The following OCA2 variants were observed in gnomAD, a reference collection of about 807,000 sequenced individuals.
The protein encoded by OCA2 is P protein.
A neutral mutation model predicts 100.2 loss-of-function variants in OCA2; 77 were observed. That is an observed-to-expected ratio of 0.77 (90% CI 0.64 to 0.93). The LOEUF (loss-of-function observed/expected upper bound fraction) is 0.93. Among genes scored for constraint, OCA2 ranks in the 40% least tolerant of loss-of-function variants. The pLI is 0.00. For missense variants in OCA2, 1,062 were observed against 1,089.1 expected (o/e 0.98, Z 0.35); for synonymous variants, 432 against 439.2 (o/e 0.98, Z 0.21).
In OCA2 at chr15:27,755,348, T is replaced by C. The variant is rs780660298; in HGVS notation, c.*40A>G. 1 of 1,469,930 alleles carries C rather than the reference T, an allele frequency of 6.8e-7. No individual in the cohort carries two copies. Among genetic ancestry groups the C allele is most frequent in the Non-Finnish European group, 9.5e-7 (1 of 1,048,774 alleles). 91.1% of individuals were successfully genotyped at this position (1,469,930 alleles called of 1,614,324 possible). A position where few individuals can be genotyped will look rare whatever the true frequency, so the allele number is the denominator to read the frequency against. ...TTTATGACTAATGGGTTGTGATGGA[T>C]GAAGTTTCCTTTAGTCTTCGAGCAA... On this transcript the variant is annotated 3_prime_UTR_variant, in exon 24 of 24. Coordinates refer to ENST00000354638, the MANE Select transcript of OCA2 (RefSeq NM_000275.3).
chr15:27,741,323 G>A, the OCA2 span, among the ~76,000 whole-genome samples: 2 of 152,180 alleles, frequency 1.3e-5, no homozygotes, highest in Non-Finnish European at 2.9e-5. Context: ...TTGGGGGAAG[G>A]ACTGCTGCAT....
chr15:28,053,038 C>A (rs1198364959), intron 2 of OCA2, among the ~76,000 whole-genome samples: 2 of 152,194 alleles, frequency 1.3e-5, no homozygotes, highest in African/African-American at 4.8e-5. Flanking sequence ...GTTTGAATTT[C>A]ATGTAGATCA....
At chr15:27,839,020 A>G (rs951209349) in intron 23 of OCA2, among the ~76,000 whole-genome samples, 7 of 152,208 alleles carry the variant, frequency 4.6e-5, no homozygotes, top group Admixed American at 3.3e-4. Flanking sequence ...GAATGATGTT[A>G]TATGTTTTGA....
At chr15:27,859,916 G>C (rs1468547977) in intron 21 of OCA2, among the ~76,000 whole-genome samples, 1 of 152,082 alleles carries the variant, frequency 6.6e-6, no homozygotes, top group East Asian at 1.9e-4. Context: ...AATAAAAAGT[G>C]GCAAAGGATA....
At chr15:27,836,366 A>T (rs968627829) in intron 23 of OCA2, among the ~76,000 whole-genome samples, 1 of 152,064 alleles carries the variant, frequency 6.6e-6, no homozygotes, top group Non-Finnish European at 1.5e-5. Context: ...CTGCAAGAAA[A>T]ATAGCCTGTT....
downstream of OCA2, among the ~76,000 whole-genome samples, chr15:27,753,750 AAAAGAAAG>A (rs575331641): frequency 3.3e-5 from 5 of 152,068 alleles, no homozygotes; most frequent in South Asian, 2.1e-4. Context: ...AAGAAAAAAG[AAAAGAAAG>A]AAAGAAAGAA....
At chr15:27,952,845 G>C (rs1474314793) in intron 17 of OCA2, among the ~76,000 whole-genome samples, 1 of 151,974 alleles carries the variant, frequency 6.6e-6, no homozygotes, top group African/African-American at 2.4e-5. Context: ...ACCATGCCCA[G>C]CTAGTTTTTG....
intron 23 of OCA2, among the ~76,000 whole-genome samples, chr15:27,824,602 C>CTCTATATATATATATATATATATATATA: frequency 2.1e-5 from 1 of 47,606 alleles, no homozygotes; most frequent in Non-Finnish European, 3.1e-5. Flanking sequence ...CTCTCTCTCT[C>CTCTATATATATATATATATATATATATA]TATATATATA....
At chr15:27,909,860 A>C (rs114635649) in intron 19 of OCA2, among the ~76,000 whole-genome samples, 1,777 of 152,320 alleles carry the variant, frequency 0.012, 28 homozygotes, top group African/African-American at 0.036. Context: ...CATAACTAGT[A>C]AATCTGTCTA....
intron 21 of OCA2, among the ~76,000 whole-genome samples, chr15:27,870,810 A>AAGAGAGAGAGAGAAAGAAAGAAAGAAAG (rs149989219): frequency 5.7e-5 from 5 of 88,138 alleles, no homozygotes; most frequent in African/African-American, 1.1e-4. Context: ...GAAAGAAAGA[A>AAGAGAGAGAGAGAAAGAAAGAAAGAAAG]AGAGAGAGAG....
chr15:27,962,047 T>C (rs958764120), intron 15 of OCA2, among the ~76,000 whole-genome samples: 2 of 152,168 alleles, frequency 1.3e-5, no homozygotes, highest in Admixed American at 6.5e-5. Context: ...TCCCAGATGA[T>C]AGGAAGATGA....
chr15:27,922,785 T>A (rs2038911941), intron 19 of OCA2, among the ~76,000 whole-genome samples: 1 of 150,830 alleles, frequency 6.6e-6, no homozygotes, highest in African/African-American at 2.4e-5. Flanking sequence ...CCACCATCAT[T>A]TTTTTTTTAA....
intron 23 of OCA2, among the ~76,000 whole-genome samples, chr15:27,762,574 G>A (rs900502029): frequency 2.3e-4 from 35 of 152,138 alleles, no homozygotes; most frequent in African/African-American, 7.0e-4. Context: ...ATCATGTGAC[G>A]TGTGGATTAG....
chr15:27,807,467 C>A (rs1052522751), intron 23 of OCA2, among the ~76,000 whole-genome samples: 15 of 152,142 alleles, frequency 9.9e-5, no homozygotes, highest in African/African-American at 3.6e-4. Flanking sequence ...AAGACAGGCA[C>A]GAAGAATAAT....
intron 19 of OCA2, among the ~76,000 whole-genome samples, 196 bp downstream of exon 19, chr15:27,925,931 G>T (rs572090887): frequency 6.6e-5 from 10 of 152,060 alleles, no homozygotes; most frequent in Non-Finnish European, 1.5e-4. Context: ...AAACAAATAC[G>T]CAGTGCTGTC....
At chr15:27,732,308 G>T in the OCA2 span, among the ~76,000 whole-genome samples, 1 of 152,166 alleles carries the variant, frequency 6.6e-6, no homozygotes, top group Non-Finnish European at 1.5e-5. Flanking sequence ...TGTATGGTTG[G>T]TTTCTATCTT....
At chr15:27,831,682 C>A (rs1427349073) in intron 23 of OCA2, among the ~76,000 whole-genome samples, 1 of 152,194 alleles carries the variant, frequency 6.6e-6, no homozygotes, top group Non-Finnish European at 1.5e-5. Flanking sequence ...GAGCTGCCTG[C>A]AGCCGTTCTC....
intron 2 of OCA2, among the ~76,000 whole-genome samples, chr15:28,045,759 T>C (rs927546247): frequency 4.6e-5 from 7 of 152,328 alleles, no homozygotes; most frequent in Admixed American, 3.9e-4. Context: ...AAATCCAGTA[T>C]TTCTCTCCAA....
intron 5 of OCA2, among the ~76,000 whole-genome samples, chr15:28,023,515 C>G (rs2042657742): frequency 6.6e-6 from 1 of 152,174 alleles, no homozygotes; most frequent in African/African-American, 2.4e-5. Context: ...GCAACAGCCA[C>G]ACATCTCATG....
Sources: gnomAD v4.1 joint callset for allele counts (sites outside exome capture counted in the v4.1 genomes callset) on GRCh38, gnomAD v4.1.1 for gene constraint, MANE v1.5 for transcripts, NCBI Gene and HGNC (gene_info 2026-07-23, HGNC 2026-07-21) for gene names.